Variants in KAT2B observed in about 807,000 individuals in gnomAD.
The protein encoded by KAT2B is lysine acetyltransferase 2B, also known as histone acetyltransferase KAT2B.
In KAT2B, 36 loss-of-function variants were observed where a neutral mutation model predicts 105.9. The ratio of observed to expected loss-of-function variants is 0.34; its 90% CI spans 0.26 to 0.45. The LOEUF (loss-of-function observed/expected upper bound fraction) is 0.45. Among genes scored for constraint, KAT2B ranks in the 20% least tolerant of loss-of-function variants. The pLI, the probability that KAT2B is intolerant of heterozygous loss-of-function variation, is 1.00. For synonymous variants in KAT2B, 397 were observed against 377.9 expected (o/e 1.05, Z -0.59); for missense variants, 820 against 1,021.6 (o/e 0.80, Z 2.69).
intron 2 of KAT2B, among the ~76,000 whole-genome samples, chr3:20,094,526 TA>T (rs1698776348): frequency 6.6e-6 from 1 of 152,206 alleles, no homozygotes; most frequent in African/African-American, 2.4e-5. Flanking sequence ...TTAAATGTAA[TA>T]ACCTTAAAAG....
intron 15 of KAT2B, 28 bp from the exon 16 acceptor site, chr3:20,148,215 G>C (rs772654072): frequency 3.1e-6 from 5 of 1,593,526 alleles, no homozygotes; most frequent in Non-Finnish European, 4.3e-6. Flanking sequence ...TCTAATCATT[G>C]CTCCTTGTTT....
chr3:20,075,067 C>T (rs1003779212), intron 2 of KAT2B, among the ~76,000 whole-genome samples: 1 of 152,052 alleles, frequency 6.6e-6, no homozygotes, highest in Non-Finnish European at 1.5e-5. Context: ...AGTTCGAGAC[C>T]AGCCTGGCCA....
At chr3:20,041,032 G>T in intron 1 of KAT2B, among the ~76,000 whole-genome samples, 1 of 152,298 alleles carries the variant, frequency 6.6e-6, no homozygotes, top group South Asian at 2.1e-4. Context: ...GAAAGGAGTA[G>T]CTTCGGCATC....
At chr3:20,094,437 CAG>C (rs1201385149) in intron 2 of KAT2B, among the ~76,000 whole-genome samples, 1 of 152,086 alleles carries the variant, frequency 6.6e-6, no homozygotes, top group Admixed American at 6.6e-5. Context: ...GGTGGAGACA[CAG>C]AGCCAAACCA....
intron 5 of KAT2B, among the ~76,000 whole-genome samples, chr3:20,104,217 G>C (rs1279354130): frequency 6.6e-6 from 1 of 152,166 alleles, no homozygotes; most frequent in Non-Finnish European, 1.5e-5. Flanking sequence ...AGTGGAGTCA[G>C]ACAATGGGAA....
At chr3:20,147,930 T>C in intron 14 of KAT2B, 33 bp from the exon 15 acceptor site, 1 of 1,606,716 alleles carries the variant, frequency 6.2e-7, no homozygotes, top group Non-Finnish European at 8.5e-7. Context: ...CAAAAGCACT[T>C]CTCATTCAGT....
rs894033666 is a variant in KAT2B, at chr3:20,072,335, C to T, written c.306C>T (p.Ala102=). Residue 102 remains alanine, a splice_region_variant and synonymous_variant, in exon 2 of 18, where the codon GCC becomes GCT. Coordinates refer to ENST00000263754, the MANE Select transcript of KAT2B (RefSeq NM_003884.5). ...CTCTTTCTTTATTCCATTTTTAGGC[C>T]GAGGAGTCTTGTAAATGTAATGGCT... ...EKLGVYSACK[A]EESCKCNGWK... is the part of the protein sequence containing the mutation. 1.3e-5 allele frequency: 21 copies of T among 1,613,194 alleles called. No individual in the cohort carries two copies. The highest frequency in any genetic ancestry group is 2.2e-5 in the East Asian group (1 of 44,886).
At chr3:20,091,301 T>C (rs1304071638) in intron 2 of KAT2B, among the ~76,000 whole-genome samples, 3 of 152,184 alleles carry the variant, frequency 2.0e-5, no homozygotes, top group Admixed American at 6.5e-5. Flanking sequence ...TAACTGTTCA[T>C]CATAATCTCT....
At chr3:20,068,002 T>C (rs1016446839) in intron 1 of KAT2B, among the ~76,000 whole-genome samples, 6 of 149,750 alleles carry the variant, frequency 4.0e-5, no homozygotes, top group East Asian at 2.0e-4. Context: ...TTCTTTCTTT[T>C]TTTTTTGTTT....
At chr3:20,151,439 TG>T (rs200909539) in intron 17 of KAT2B, among the ~76,000 whole-genome samples, 25 of 149,834 alleles carry the variant, frequency 1.7e-4, no homozygotes, top group African/African-American at 4.4e-4. Context: ...TAGTCAGAAG[TG>T]GGGTTTTTTT....
At chr3:20,093,606 C>A (rs1349809480) in intron 2 of KAT2B, among the ~76,000 whole-genome samples, 1 of 152,180 alleles carries the variant, frequency 6.6e-6, no homozygotes, top group Non-Finnish European at 1.5e-5. Flanking sequence ...AGTAGACTGA[C>A]CTGTGTCCAG....
intron 1 of KAT2B, among the ~76,000 whole-genome samples, chr3:20,055,405 C>G (rs1362881021): frequency 2.6e-5 from 4 of 152,116 alleles, no homozygotes; most frequent in Admixed American, 2.6e-4. Context: ...CAGAAAATAA[C>G]AGAAAGTGGT....
chr3:20,143,276 C>G (rs1451303682), intron 13 of KAT2B, among the ~76,000 whole-genome samples: 1 of 152,116 alleles, frequency 6.6e-6, no homozygotes, highest in Non-Finnish European at 1.5e-5. Context: ...AGTTAATACA[C>G]TAGAACACAA....
chr3:20,070,556 G>A (rs546480401), intron 1 of KAT2B, among the ~76,000 whole-genome samples: 12 of 149,930 alleles, frequency 8.0e-5, no homozygotes, highest in Admixed American at 4.6e-4. Flanking sequence ...CGCCCACCTC[G>A]GCCTCCCAAA....
At chr3:20,107,546 T>C (rs1206790048) in intron 5 of KAT2B, among the ~76,000 whole-genome samples, 1 of 149,640 alleles carries the variant, frequency 6.7e-6, no homozygotes, top group South Asian at 2.1e-4. Flanking sequence ...TAATCCCAGC[T>C]ACTTGGGAGG....
At chr3:20,043,950 A>G (rs1395012015) in intron 1 of KAT2B, among the ~76,000 whole-genome samples, 2 of 152,084 alleles carry the variant, frequency 1.3e-5, no homozygotes, top group Non-Finnish European at 2.9e-5. Flanking sequence ...GGGGCTTTTG[A>G]AAGAAAAACA....
chr3:20,119,842 A>C (rs1699277019), intron 8 of KAT2B, 119 bp downstream of exon 8: 1 of 1,064,462 alleles, frequency 9.4e-7, no homozygotes, highest in Non-Finnish European at 1.4e-6. Flanking sequence ...GGATTTTAAC[A>C]GCTAGAAATA....
chr3:20,043,644 C>T (rs561438492), intron 1 of KAT2B, among the ~76,000 whole-genome samples: 2 of 151,976 alleles, frequency 1.3e-5, no homozygotes, highest in African/African-American at 4.8e-5. Context: ...CTAGGGCCAC[C>T]GGCTGGGGTG....
chr3:20,059,529 C>T (rs1698062099), intron 1 of KAT2B, among the ~76,000 whole-genome samples: 1 of 150,868 alleles, frequency 6.6e-6, no homozygotes, highest in African/African-American at 2.4e-5. Flanking sequence ...CACGGTGAAA[C>T]CCCACCTCTA....
Sources: gnomAD v4.1 joint callset for allele counts (sites outside exome capture counted in the v4.1 genomes callset) on GRCh38, gnomAD v4.1.1 for gene constraint, MANE v1.5 for transcripts, NCBI Gene and HGNC (gene_info 2026-07-23, HGNC 2026-07-21) for gene names.